HIPK3: variants seen among roughly 807,000 people sequenced by gnomAD.
HIPK3 encodes the protein homeodomain-interacting protein kinase 3.
A neutral mutation model predicts 124.2 loss-of-function variants in HIPK3; 47 were observed. That is an observed-to-expected ratio of 0.38 (90% confidence interval 0.30 to 0.48). The LOEUF (loss-of-function observed/expected upper bound fraction) is 0.48, where lower values mean the gene tolerates loss of function less well. Ranked by LOEUF, HIPK3 falls within the 20% of genes least tolerant of loss-of-function variation. HIPK3 has a pLI of 0.98. For synonymous variants in HIPK3, 482 were observed against 515.2 expected (o/e 0.94, Z 0.87); for missense variants, 1,286 against 1,454.3 (o/e 0.88, Z 1.88).
At chr11:33,263,451 G>T (rs1425225557) in intron 1 of HIPK3, among the ~76,000 whole-genome samples, 1 of 152,118 alleles carries the variant, frequency 6.6e-6, no homozygotes, top group Non-Finnish European at 1.5e-5. Flanking sequence ...GAGTAGCTGG[G>T]ATTGCAGGTG....
intron 2 of HIPK3, among the ~76,000 whole-genome samples, chr11:33,327,358 A>G (rs1852841325): frequency 6.6e-6 from 1 of 152,222 alleles, no homozygotes; most frequent in East Asian, 1.9e-4. Flanking sequence ...GTTTCTTCAA[A>G]TATCTGTCCT....
intron 2 of HIPK3, among the ~76,000 whole-genome samples, chr11:33,323,972 C>T (rs1267535591): frequency 6.6e-6 from 1 of 152,184 alleles, no homozygotes; most frequent in Non-Finnish European, 1.5e-5. Flanking sequence ...CAAATGATGT[C>T]TATTCTCTGC....
chr11:33,336,067 A>T (rs1853137830), intron 3 of HIPK3, among the ~76,000 whole-genome samples: 1 of 152,198 alleles, frequency 6.6e-6, no homozygotes, highest in African/African-American at 2.4e-5. Flanking sequence ...AGAATATTAG[A>T]TAATGAAAAG....
rs201982369 is a variant in HIPK3 at position 33,351,837 on chromosome 11, A to G, written c.3037A>G (p.Asn1013Asp). ...NGLNADEHMA[N>D]TDSICQPLIK... ...CTTAAATGCCGATGAGCATATGGCA[A>G]ACACAGGTAAGTTGAGTCCTCCCAT... is the stretch of plus-strand genomic sequence containing the variant. Residue 1013 changes from asparagine to aspartate, a missense_variant, in exon 15 of 17, where the codon AAC becomes GAC. Around this residue, in one of 3 missense-constraint regions of HIPK3, gnomAD observed 810 missense variants for 864.9 expected, o/e 0.94. Transcript: ENST00000303296. 26 of 1,611,408 alleles carry G rather than the reference A, an allele frequency of 1.6e-5. No individual in the cohort carries two copies. In the African/African-American group the frequency reaches 3.2e-4, roughly 20 times the overall value.
At chr11:33,305,905 G>C (rs1490385603) in intron 2 of HIPK3, among the ~76,000 whole-genome samples, 1 of 151,714 alleles carries the variant, frequency 6.6e-6, no homozygotes, top group Non-Finnish European at 1.5e-5. Flanking sequence ...GGAGTGTAGT[G>C]GTGTGATCAT....
chr11:33,327,022 A>T (rs1852831818), intron 2 of HIPK3, among the ~76,000 whole-genome samples: 1 of 152,166 alleles, frequency 6.6e-6, no homozygotes, highest in Non-Finnish European at 1.5e-5. Context: ...ATAGTCATGG[A>T]TTATAACTCA....
chr11:33,299,372 T>C (rs899442300), intron 2 of HIPK3, among the ~76,000 whole-genome samples: 5 of 151,604 alleles, frequency 3.3e-5, no homozygotes, highest in Non-Finnish European at 7.4e-5. Context: ...CTCGGGAGGC[T>C]GAGGCAGGAG....
intron 2 of HIPK3, among the ~76,000 whole-genome samples, chr11:33,327,030 T>G (rs1194416382): frequency 1.3e-5 from 2 of 152,038 alleles, no homozygotes; most frequent in African/African-American, 2.4e-5. Flanking sequence ...GGATTATAAC[T>G]CATTGAACAA....
At chr11:33,319,109 T>A (rs1242019936) in intron 2 of HIPK3, among the ~76,000 whole-genome samples, 4 of 152,250 alleles carry the variant, frequency 2.6e-5, no homozygotes, top group African/African-American at 9.6e-5. Flanking sequence ...GGATTGGCTG[T>A]ACTCAACCCA....
rs758696665 is a variant in HIPK3, at chr11:33,352,212, C to T, written c.3118C>T (p.Arg1040Cys). Residue 1040 changes from arginine (R) to cysteine (C), a missense_variant, in exon 16 of 17, where the codon CGT (arginine) becomes TGT (cysteine). Around this residue, in one of 3 missense-constraint regions of HIPK3, gnomAD observed 810 missense variants for 864.9 expected, o/e 0.94. Transcript: ENST00000303296. ...AAACCAGCCTTCTGCAGTGGGTACT[C>T]GTCAGCAAAAATTGACATCAGCATT... ...RLNQPSAVGTRQQKLTSAFQQ... is the reference protein window; with the variant it reads ...RLNQPSAVGTCQQKLTSAFQQ... The T allele has an allele frequency of 8.1e-6, 13 of 1,613,958 alleles. No homozygotes were observed. Among genetic ancestry groups the T allele is most frequent in the East Asian group, 2.2e-5 (1 of 44,872 alleles).
chr11:33,262,379 G>A (rs1220168682), intron 1 of HIPK3, among the ~76,000 whole-genome samples: 1 of 152,228 alleles, frequency 6.6e-6, no homozygotes, highest in African/African-American at 2.4e-5. Context: ...ACATTTATAA[G>A]TTTGTCAAAT....
Position 33,351,729 on chromosome 11 carries a change from A to G in HIPK3, c.2929A>G (p.Thr977Ala), listed in dbSNP as rs200063110. ...TTTTGTGGAGGACACTCATGAAAAC[A>G]CAGAATTGGTATCCTCTGCTGACAC... ...STFVEDTHEN[T>A]ELVSSADTET... The change falls in exon 15 of 17, where the codon ACA becomes GCA. Residue 977 changes from threonine (T) to alanine (A), a missense_variant. Thr to Ala is a moderately conservative substitution (Grantham distance 58). Transcript: ENST00000303296. The G allele has an allele frequency of 6.2e-7, 1 of 1,614,190 alleles. No individual in the cohort carries two copies. The highest frequency in any genetic ancestry group is 8.5e-7 in the Non-Finnish European group (1 of 1,180,024).
At chr11:33,256,696 G>A, upstream of HIPK3, 1 of 983,678 alleles carries the variant, frequency 1.0e-6, no homozygotes, top group South Asian at 4.7e-5. Flanking sequence ...CAGGAGGAAA[G>A]AAACTAGTCT....
chr11:33,272,118 C>T (rs949619119), intron 1 of HIPK3, among the ~76,000 whole-genome samples: 4 of 152,184 alleles, frequency 2.6e-5, no homozygotes, highest in East Asian at 3.8e-4. Context: ...AATGTCGTGG[C>T]CGGGTGCAGT....
chr11:33,286,364 A>G, intron 1 of HIPK3, 49 bp from the exon 2 acceptor site: 1 of 1,371,688 alleles, frequency 7.3e-7, no homozygotes, highest in Non-Finnish European at 9.5e-7. Context: ...TGACATTAAT[A>G]TTTCTTCTTT....
chr11:33,276,309 T>G (rs1408157744), intron 1 of HIPK3, among the ~76,000 whole-genome samples: 1 of 152,210 alleles, frequency 6.6e-6, no homozygotes, highest in East Asian at 1.9e-4. Flanking sequence ...TTCCTCAGTC[T>G]TTATGTTGAT....
chr11:33,264,421 A>G (rs1850903656), intron 1 of HIPK3, among the ~76,000 whole-genome samples: 2 of 152,198 alleles, frequency 1.3e-5, no homozygotes, highest in South Asian at 4.1e-4. Flanking sequence ...TTAGCCTCCA[A>G]GATCAGGCAA....
chr11:33,296,500 T>C, intron 2 of HIPK3, among the ~76,000 whole-genome samples: 1 of 152,252 alleles, frequency 6.6e-6, no homozygotes, highest in Admixed American at 6.5e-5. Flanking sequence ...ATTTCACATA[T>C]ACATGCTTTT....
intron 2 of HIPK3, among the ~76,000 whole-genome samples, chr11:33,295,277 G>GCC (rs34093915): frequency 0.16 from 16,669 of 105,602 alleles, 1,181 homozygotes; most frequent in African/African-American, 0.23. Context: ...AGCCACCACC[G>GCC]CCCCCCCCCC....
Sources: allele counts gnomAD v4.1 joint callset (sites outside exome capture counted in the v4.1 genomes callset), GRCh38; gene constraint gnomAD v4.1.1; regional missense constraint gnomAD v4.1.1; transcripts MANE v1.5; gene names NCBI Gene and HGNC (gene_info 2026-07-23, HGNC 2026-07-21).